Variants in SUSD3 observed in about 807,000 individuals in gnomAD.
The protein encoded by SUSD3 is sushi domain containing 3.
Under a neutral mutation model 20.6 loss-of-function variants are expected in SUSD3, and 18 were observed. That is an observed-to-expected ratio of 0.87 (90% CI 0.60 to 1.30). SUSD3 has a LOEUF of 1.30. Among genes scored for constraint, SUSD3 ranks in the 50% most tolerant of loss-of-function variants. The pLI, the probability that SUSD3 is intolerant of heterozygous loss-of-function variation, is 0.00. For missense variants in SUSD3, 306 were observed against 346.9 expected, an observed-to-expected ratio of 0.88 and a Z score of 0.94; for synonymous variants, 137 against 141.5, an observed-to-expected ratio of 0.97 and a Z score of 0.23.
intron 1 of SUSD3, among the ~76,000 whole-genome samples, 172 bp from the exon 2 acceptor site, chr9:93,075,612 G>A (rs947298645): frequency 6.6e-6 from 1 of 151,084 alleles, no homozygotes; most frequent in Non-Finnish European, 1.5e-5. Flanking sequence ...GTTGTCCCCC[G>A]GTCTGGATGA....
chr9:93,083,012 G>A (rs1025667452), intron 4 of SUSD3, among the ~76,000 whole-genome samples: 1 of 152,218 alleles, frequency 6.6e-6, no homozygotes, highest in African/African-American at 2.4e-5. Flanking sequence ...GGACGTGTGC[G>A]TCCCGTCCAA....
At chr9:93,077,556 A>AC (rs1564193165) in intron 2 of SUSD3, among the ~76,000 whole-genome samples, 1 of 151,682 alleles carries the variant, frequency 6.6e-6, no homozygotes, top group African/African-American at 2.4e-5. Context: ...CTGCTTAAAT[A>AC]CCCCCTTTAA....
At chr9:93,079,004 G>A (rs906302208) in intron 3 of SUSD3, among the ~76,000 whole-genome samples, 1 of 151,608 alleles carries the variant, frequency 6.6e-6, no homozygotes, top group Non-Finnish European at 1.5e-5. Context: ...GGGTTTCACC[G>A]TGTTAGCCAG....
intron 4 of SUSD3, among the ~76,000 whole-genome samples, chr9:93,080,472 A>G (rs982405563): frequency 6.6e-6 from 1 of 152,060 alleles, no homozygotes; most frequent in Non-Finnish European, 1.5e-5. Context: ...TTTTCATGGC[A>G]TAGTCTTCTG....
At chr9:93,072,654 TA>T (rs1467613574) in intron 1 of SUSD3, among the ~76,000 whole-genome samples, 4 of 152,194 alleles carry the variant, frequency 2.6e-5, no homozygotes, top group Non-Finnish European at 5.9e-5. Flanking sequence ...GTCTCGCAGA[TA>T]AAGACCTTGC....
At chr9:93,073,961 T>G (rs867014175) in intron 1 of SUSD3, among the ~76,000 whole-genome samples, 9 of 152,146 alleles carry the variant, frequency 5.9e-5, no homozygotes, top group Non-Finnish European at 8.8e-5. Context: ...CTGCCCAGTT[T>G]GCTCATCTGT....
Position 93,058,793 on chromosome 9 carries a change from G to T in SUSD3, c.51G>T (p.Arg17=), listed in dbSNP as rs1214621733. The part of the protein sequence containing the change: ...TLRGKARPRG[R]AGVTTPAPGN... ...GTGGCAAGGCGAGGCCCCGGGGGCG[G>T]GCCGGGGTCACCACGCCTGCCCCAG... The change falls in exon 1 of 5, where the codon CGG becomes CGT. Residue 17 remains arginine (R), a synonymous_variant. Coordinates refer to ENST00000375472, the MANE Select transcript of SUSD3 (RefSeq NM_145006.4). 1.7e-5 allele frequency: 21 copies of T among 1,246,306 alleles called. No homozygotes were observed. The highest frequency in any genetic ancestry group is 2.1e-5 in the Non-Finnish European group (21 of 995,272). 77.2% of individuals were successfully genotyped at this position (1,246,306 alleles called of 1,614,324 possible).
intron 1 of SUSD3, among the ~76,000 whole-genome samples, chr9:93,060,003 G>A (rs1564182346): frequency 6.6e-6 from 1 of 152,212 alleles, no homozygotes; most frequent in Non-Finnish European, 1.5e-5. Context: ...ACTACCTGAG[G>A]AGCCCCTTCT....
intron 4 of SUSD3, among the ~76,000 whole-genome samples, 155 bp from the exon 5 acceptor site, chr9:93,084,382 A>C (rs2119019995): frequency 6.6e-6 from 1 of 152,240 alleles, no homozygotes; most frequent in Non-Finnish European, 1.5e-5. Context: ...CTTAGGGTGC[A>C]GGGCAGCTCC....
At chr9:93,074,717 C>A (rs971318629) in intron 1 of SUSD3, among the ~76,000 whole-genome samples, 1 of 145,374 alleles carries the variant, frequency 6.9e-6, no homozygotes, top group Non-Finnish European at 1.5e-5. Flanking sequence ...CTGGTTCAAT[C>A]GATTCTCCTG....
At chr9:93,065,432 C>T (rs368093723) in intron 1 of SUSD3, among the ~76,000 whole-genome samples, 6 of 152,264 alleles carry the variant, frequency 3.9e-5, no homozygotes, top group Non-Finnish European at 5.9e-5. Context: ...CACTCACCCT[C>T]GCCAACCTCT....
In SUSD3 at chr9:93,085,009, A is replaced by C. The variant is rs1390029516; in HGVS notation, c.*262A>C. ...ACTACTTGAAACCACTACTGAGGGT[A>C]ATTTACTAGCTGTGGCCTCCCACTA... On this transcript the variant is annotated 3_prime_UTR_variant, in exon 5 of 5. Transcript: ENST00000375472. This position sits in a 1 kb window ranked among gnomAD's most constrained non-coding sequence, Gnocchi z 4.3. The C allele has an allele frequency of 2.7e-6, 1 of 364,592 alleles. No homozygotes were observed. The highest frequency in any genetic ancestry group is 2.1e-5 in the African/African-American group (1 of 47,960). 22.6% of individuals were successfully genotyped at this position (364,592 alleles called of 1,614,324 possible).
chr9:93,069,580 G>A (rs1390997971), intron 1 of SUSD3, among the ~76,000 whole-genome samples: 5 of 152,040 alleles, frequency 3.3e-5, no homozygotes, highest in African/African-American at 9.7e-5. Flanking sequence ...TTTTGATGCT[G>A]TTGTATAAAA....
intron 1 of SUSD3, among the ~76,000 whole-genome samples, chr9:93,074,046 A>G (rs1221714614): frequency 6.6e-6 from 1 of 152,168 alleles, no homozygotes; most frequent in Non-Finnish European, 1.5e-5. Context: ...GGCAGGTGCA[A>G]TGGCATCCAG....
At chr9:93,059,923 C>G (rs1422697259) in intron 1 of SUSD3, among the ~76,000 whole-genome samples, 1 of 152,194 alleles carries the variant, frequency 6.6e-6, no homozygotes, top group Non-Finnish European at 1.5e-5. Context: ...TGTCCAGAGT[C>G]CCTAATTTGG....
intron 3 of SUSD3, 69 bp from the exon 4 acceptor site, chr9:93,079,402 A>T (rs1018971407): frequency 1.9e-6 from 3 of 1,564,566 alleles, no homozygotes; most frequent in Non-Finnish European, 2.6e-6. Flanking sequence ...GCCTACATGG[A>T]GCCTGTTTCC....
At chr9:93,074,753 T>G (rs527928487) in intron 1 of SUSD3, among the ~76,000 whole-genome samples, 1 of 151,540 alleles carries the variant, frequency 6.6e-6, no homozygotes, top group Non-Finnish European at 1.5e-5. Context: ...TAGCTGGAAT[T>G]ACAGGCACAT....
chr9:93,078,365 TCTCCTGC>T (rs1474858272), intron 3 of SUSD3, among the ~76,000 whole-genome samples: 7 of 152,120 alleles, frequency 4.6e-5, no homozygotes, highest in African/African-American at 1.7e-4. Flanking sequence ...TTAAAGCAAT[TCTCCTGC>T]CTCAGCCTTC....
At chr9:93,066,585 A>G (rs192807791) in intron 1 of SUSD3, among the ~76,000 whole-genome samples, 2 of 152,246 alleles carry the variant, frequency 1.3e-5, no homozygotes, top group African/African-American at 4.8e-5. Flanking sequence ...TTTCCCCCTG[A>G]TTTTTTAAAC....
Sources: allele counts gnomAD v4.1 joint callset (sites outside exome capture counted in the v4.1 genomes callset), GRCh38; gene constraint gnomAD v4.1.1; non-coding constraint Gnocchi (gnomAD v3.1); transcripts MANE v1.5; gene names NCBI Gene and HGNC (gene_info 2026-07-23, HGNC 2026-07-21).